Variants in ROR1 observed in about 807,000 individuals in gnomAD.
ROR1 encodes the protein inactive tyrosine-protein kinase transmembrane receptor ROR1.
Under a neutral mutation model 78.8 loss-of-function variants are expected in ROR1, and 19 were observed. The ratio of observed to expected loss-of-function variants is 0.24; its 90% CI spans 0.17 to 0.35. ROR1 has a LOEUF of 0.35. ROR1 is among the 10% of genes least tolerant of loss of function. The pLI is 1.00. For missense variants in ROR1, 917 were observed against 1,177.8 expected, an observed-to-expected ratio of 0.78 and a Z score of 3.24; for synonymous variants, 386 against 433.6, an observed-to-expected ratio of 0.89 and a Z score of 1.36.
chr1:64,125,792 A>C (rs983836207), intron 4 of ROR1, among the ~76,000 whole-genome samples: 2 of 152,174 alleles, frequency 1.3e-5, no homozygotes, highest in African/African-American at 2.4e-5. Flanking sequence ...AGGTGTTGGA[A>C]TCTGTAGGAG....
At chr1:63,921,519 A>T (rs1354059380) in intron 1 of ROR1, among the ~76,000 whole-genome samples, 1 of 152,086 alleles carries the variant, frequency 6.6e-6, no homozygotes, top group Non-Finnish European at 1.5e-5. Context: ...CATGATCATT[A>T]TGGTTGTTGT....
intron 1 of ROR1, among the ~76,000 whole-genome samples, chr1:63,798,626 C>G (rs1644777150): frequency 6.6e-6 from 1 of 152,172 alleles, no homozygotes; most frequent in East Asian, 1.9e-4. Flanking sequence ...CTTTGTATCC[C>G]CAGCCCTGAT....
At chr1:64,032,832 G>A (rs976237815) in intron 2 of ROR1, among the ~76,000 whole-genome samples, 1 of 152,054 alleles carries the variant, frequency 6.6e-6, no homozygotes, top group African/African-American at 2.4e-5. Context: ...AGTCAAAGAT[G>A]GAAAAGGTAA....
chr1:63,916,262 G>A (rs1437009571), intron 1 of ROR1, among the ~76,000 whole-genome samples: 1 of 152,200 alleles, frequency 6.6e-6, no homozygotes, highest in Non-Finnish European at 1.5e-5. Flanking sequence ...GAAGGCAAGA[G>A]GATACAAAGA....
chr1:63,941,611 T>G (rs1645841211), intron 1 of ROR1, among the ~76,000 whole-genome samples: 1 of 152,198 alleles, frequency 6.6e-6, no homozygotes, highest in African/African-American at 2.4e-5. Context: ...ATATCAGTTC[T>G]TTTTGCATTA....
rs1446331528 is a variant in ROR1, at chr1:63,815,478, C to CTTT, written c.91+40973_91+40975dup. Among the ~76,000 whole-genome samples the CTTT allele has an allele frequency of 1.2e-3, 126 of 103,382 alleles. 3 individuals carry two copies. Among genetic ancestry groups the CTTT allele is most frequent in the African/African-American group, 3.2e-3 (61 of 18,974 alleles). The allele number at this position is 103,382 out of a possible 152,430, so 67.8% of individuals were successfully genotyped here. A position where few individuals can be genotyped will look rare whatever the true frequency, so the allele number is the denominator to read the frequency against. On this transcript the variant is annotated intron_variant, in intron 1 of 8. Transcript: ENST00000371079. ...TTTTCTTTTTCTTTTCTTTTCTTTT[C>CTTT]TTTTTCTTTTTTTTTTTTTTTTGAG...
In ROR1 at chr1:64,146,387, A is replaced by T. The variant is rs569092543; in HGVS notation, c.1174+3737A>T. Among the ~76,000 whole-genome samples, 4 of 152,324 alleles carry T rather than the reference A, an allele frequency of 2.6e-5. No individual in the cohort carries two copies. In the South Asian group the frequency reaches 6.2e-4, roughly 24 times the overall value. ...GCTAGTTGGGAGGCTGAGGCATGAG[A>T]ATCGCTTGAACTTGGGAGGCGGAGG... On this transcript the variant is annotated intron_variant, in intron 7 of 8. Coordinates refer to ENST00000371079, the MANE Select transcript of ROR1 (RefSeq NM_005012.4).
intron 2 of ROR1, among the ~76,000 whole-genome samples, chr1:64,038,171 C>T (rs1336160820): frequency 3.3e-5 from 5 of 152,140 alleles, no homozygotes; most frequent in Non-Finnish European, 7.3e-5. Flanking sequence ...TTCTGTTTCC[C>T]CTCTCCTGTC....
intron 1 of ROR1, among the ~76,000 whole-genome samples, chr1:63,807,619 G>C (rs1333683462): frequency 6.6e-6 from 1 of 152,184 alleles, no homozygotes; most frequent in Non-Finnish European, 1.5e-5. Context: ...GCAATATTTT[G>C]TTATATCATC....
chr1:64,021,139 C>T (rs1472629387), intron 2 of ROR1, among the ~76,000 whole-genome samples: 1 of 151,272 alleles, frequency 6.6e-6, no homozygotes, highest in Non-Finnish European at 1.5e-5. Context: ...GCAAATAACT[C>T]ATGATTTCAT....
chr1:63,936,667 C>T (rs1645796634), intron 1 of ROR1, among the ~76,000 whole-genome samples: 5 of 152,166 alleles, frequency 3.3e-5, no homozygotes, highest in Non-Finnish European at 7.3e-5. Context: ...GATCTGGGAA[C>T]TGGCCTTGGA....
At chr1:63,988,423 A>G (rs1333030114) in intron 1 of ROR1, among the ~76,000 whole-genome samples, 1 of 152,222 alleles carries the variant, frequency 6.6e-6, no homozygotes, top group Non-Finnish European at 1.5e-5. Flanking sequence ...AGTCTCTTCT[A>G]GAATACTTTT....
intron 8 of ROR1, among the ~76,000 whole-genome samples, chr1:64,173,179 T>C (rs898564105): frequency 6.6e-6 from 1 of 152,068 alleles, no homozygotes; most frequent in African/African-American, 2.4e-5. Context: ...GCTGCACAGG[T>C]GTTCGAAGGG....
chr1:63,818,854 C>T (rs1486738056), intron 1 of ROR1, among the ~76,000 whole-genome samples: 1 of 152,054 alleles, frequency 6.6e-6, no homozygotes, highest in East Asian at 1.9e-4. Flanking sequence ...GAGCAAACAG[C>T]CTAGAGAGGT....
intron 4 of ROR1, among the ~76,000 whole-genome samples, chr1:64,113,208 G>A (rs902335829): frequency 6.6e-6 from 1 of 152,094 alleles, no homozygotes; most frequent in Non-Finnish European, 1.5e-5. Flanking sequence ...TTCTGTAAAT[G>A]TCTTTTCTAT....
intron 2 of ROR1, among the ~76,000 whole-genome samples, chr1:64,032,807 G>A (rs1468007229): frequency 6.6e-6 from 1 of 152,130 alleles, no homozygotes; most frequent in African/African-American, 2.4e-5. Flanking sequence ...ACTGCTTTTT[G>A]TACTCAACTT....
chr1:63,795,782 G>T (rs953824980), intron 1 of ROR1, among the ~76,000 whole-genome samples: 2 of 152,146 alleles, frequency 1.3e-5, no homozygotes, highest in Non-Finnish European at 2.9e-5. Flanking sequence ...CTTATCTTCT[G>T]CCTCAATATT....
chr1:63,879,072 A>C (rs1025653338), intron 1 of ROR1, among the ~76,000 whole-genome samples: 2 of 152,178 alleles, frequency 1.3e-5, no homozygotes, highest in Non-Finnish European at 2.9e-5. Context: ...GAAGCCCCAG[A>C]AACTTGGAAT....
At chr1:64,157,922 T>A (rs911744100) in intron 7 of ROR1, among the ~76,000 whole-genome samples, 1 of 152,208 alleles carries the variant, frequency 6.6e-6, no homozygotes, top group African/African-American at 2.4e-5. Context: ...AGGTAAATAA[T>A]CATCTCTGAA....
Sources: allele counts gnomAD v4.1 joint callset (sites outside exome capture counted in the v4.1 genomes callset), GRCh38; gene constraint gnomAD v4.1.1; transcripts MANE v1.5; gene names NCBI Gene and HGNC (gene_info 2026-07-23, HGNC 2026-07-21).